The following TRAPPC9 variants were observed in gnomAD, a reference collection of about 807,000 sequenced individuals.
The protein encoded by TRAPPC9 is IKK2 binding protein.
TRAPPC9 carries 83 observed loss-of-function variants against 124.0 expected under a neutral mutation model. That is an observed-to-expected ratio of 0.67 (90% CI 0.56 to 0.80). The LOEUF is 0.80. Ranked by LOEUF, TRAPPC9 falls within the 30% of genes least tolerant of loss-of-function variation. TRAPPC9 has a pLI of 0.00. For synonymous variants in TRAPPC9, 638 were observed against 617.5 expected, an observed-to-expected ratio of 1.03 and a Z score of -0.49; for missense variants, 1,302 against 1,508.3, an observed-to-expected ratio of 0.86 and a Z score of 2.27.
rs146944565 is a variant in TRAPPC9 at position 139,996,842 on chromosome 8, C to T, written c.2700-8006G>A. Among the ~76,000 whole-genome samples the T allele has an allele frequency of 1.9e-4, 29 of 152,216 alleles. No homozygotes were observed. In the East Asian group the frequency reaches 4.8e-3, roughly 25 times the overall value. ...GCAACCTCTGCCTCCCAGGTTCAAG[C>T]GATTCTCCTGCCTCAGCCTCCCAAG... On this transcript the variant is annotated intron_variant, in intron 18 of 22. Transcript: ENST00000438773.
At chr8:140,452,270 A>G (rs2071490976) in intron 1 of TRAPPC9, among the ~76,000 whole-genome samples, 1 of 151,670 alleles carries the variant, frequency 6.6e-6, no homozygotes, top group Admixed American at 6.6e-5. Flanking sequence ...AATACAAAAA[A>G]TTAGCCCGGC....
At chr8:139,915,713 A>T (rs975133181) in intron 19 of TRAPPC9, among the ~76,000 whole-genome samples, 16 of 152,198 alleles carry the variant, frequency 1.1e-4, no homozygotes, top group African/African-American at 3.6e-4. Context: ...ATCTTCCCTG[A>T]ATGGGCAGAG....
At chr8:139,919,238 C>T (rs1165194639) in intron 19 of TRAPPC9, among the ~76,000 whole-genome samples, 1 of 152,232 alleles carries the variant, frequency 6.6e-6, no homozygotes, top group East Asian at 1.9e-4. Context: ...TGACCGGAGG[C>T]AAGTCACTTG....
intron 17 of TRAPPC9, among the ~76,000 whole-genome samples, chr8:140,027,428 T>C (rs1314291274): frequency 6.6e-6 from 1 of 152,068 alleles, no homozygotes; most frequent in African/African-American, 2.4e-5. Context: ...TTTTTTGAGG[T>C]AAACTTAAAA....
intron 21 of TRAPPC9, among the ~76,000 whole-genome samples, chr8:139,884,370 C>T (rs1249232872): frequency 1.3e-5 from 2 of 152,176 alleles, no homozygotes; most frequent in African/African-American, 2.4e-5. Flanking sequence ...TTACCTGGGG[C>T]TAGGGCTGCC....
intron 1 of TRAPPC9, among the ~76,000 whole-genome samples, chr8:140,457,357 G>A (rs1186565960): frequency 6.6e-6 from 1 of 152,224 alleles, no homozygotes; most frequent in Non-Finnish European, 1.5e-5. Context: ...CAGCAGGTGT[G>A]GGCCGGGTCC....
At chr8:139,880,231 A>G (rs1028517044) in intron 21 of TRAPPC9, among the ~76,000 whole-genome samples, 1 of 152,146 alleles carries the variant, frequency 6.6e-6, no homozygotes, top group Non-Finnish European at 1.5e-5. Flanking sequence ...GGACCAACCC[A>G]GGTGTGCAGG....
At chr8:140,210,365 C>T (rs527365750) in intron 17 of TRAPPC9, among the ~76,000 whole-genome samples, 158 of 152,330 alleles carry the variant, frequency 1.0e-3, no homozygotes, top group African/African-American at 3.6e-3. Flanking sequence ...AAACTCCAGG[C>T]GCAGGGCCCA....
intron 19 of TRAPPC9, among the ~76,000 whole-genome samples, chr8:139,946,685 A>T (rs928082397): frequency 9.2e-5 from 14 of 152,068 alleles, no homozygotes; most frequent in Non-Finnish European, 1.9e-4. Flanking sequence ...TTCTAAAAAA[A>T]AAAAAAAGGC....
At chr8:140,090,244 T>C (rs964284956) in intron 17 of TRAPPC9, among the ~76,000 whole-genome samples, 2 of 152,174 alleles carry the variant, frequency 1.3e-5, no homozygotes, top group Non-Finnish European at 2.9e-5. Flanking sequence ...GTTCTGCCCA[T>C]AATATGGAAA....
At chr8:140,329,894 G>A (rs1588160486) in intron 9 of TRAPPC9, among the ~76,000 whole-genome samples, 1 of 151,922 alleles carries the variant, frequency 6.6e-6, no homozygotes, top group Admixed American at 6.6e-5. Flanking sequence ...CGTGGCCAAT[G>A]TGGTGAAACC....
intron 21 of TRAPPC9, among the ~76,000 whole-genome samples, chr8:139,857,648 T>C (rs1219385521): frequency 1.3e-5 from 2 of 152,306 alleles, no homozygotes; most frequent in Non-Finnish European, 2.9e-5. Flanking sequence ...AGTCAGGAGC[T>C]GAGCATGGGG....
Position 140,216,561 on chromosome 8 carries a change from G to A in TRAPPC9, c.2556+4898C>T, listed in dbSNP as rs1466745441. Among the ~76,000 whole-genome samples, 2 of 152,170 alleles carry A rather than the reference G, an allele frequency of 1.3e-5. No individual in the cohort carries two copies. The highest frequency in any genetic ancestry group is 2.9e-5 in the Non-Finnish European group (2 of 68,038). On this transcript the variant is annotated intron_variant, in intron 17 of 22. Coordinates refer to ENST00000438773, the MANE Select transcript of TRAPPC9 (RefSeq NM_001160372.4). This position sits in a 1 kb window ranked among gnomAD's most constrained non-coding sequence, Gnocchi z 4.1. ...AGTATGAGTGGAACACAAAGCAAAG[G>A]AAGGAACCAACAAACTCCGCGTGCC...
intron 19 of TRAPPC9, chr8:139,931,273 C>T (rs1297127638): frequency 6.6e-6 from 1 of 152,252 alleles, no homozygotes; most frequent in African/African-American, 2.4e-5. Flanking sequence ...ATCCTCACCG[C>T]AACCATAGGA....
At chr8:140,231,901 C>A (rs1414941169) in intron 16 of TRAPPC9, among the ~76,000 whole-genome samples, 5 of 152,040 alleles carry the variant, frequency 3.3e-5, no homozygotes, top group African/African-American at 1.2e-4. Flanking sequence ...TTAAGTCAAA[C>A]CCTGATTATA....
chr8:140,103,582 CAT>C (rs377186374), intron 17 of TRAPPC9, among the ~76,000 whole-genome samples: 242 of 152,312 alleles, frequency 1.6e-3, no homozygotes, highest in African/African-American at 5.5e-3. Context: ...GAAAAAATGT[CAT>C]AGTGCTGCTG....
intron 19 of TRAPPC9, among the ~76,000 whole-genome samples, chr8:139,930,788 T>C (rs1024432704): frequency 1.3e-5 from 2 of 152,182 alleles, no homozygotes; most frequent in Admixed American, 1.3e-4. Flanking sequence ...TGAGACCCTC[T>C]GAGGAGACGC....
At chr8:140,419,195 G>C (rs1201588776) in intron 5 of TRAPPC9, among the ~76,000 whole-genome samples, 1 of 152,080 alleles carries the variant, frequency 6.6e-6, no homozygotes, top group Non-Finnish European at 1.5e-5. Flanking sequence ...TTGGGAGGCC[G>C]AGGCGGGTGG....
intron 18 of TRAPPC9, among the ~76,000 whole-genome samples, chr8:140,006,010 G>A (rs1245317364): frequency 4.6e-5 from 7 of 151,844 alleles, no homozygotes; most frequent in African/African-American, 1.7e-4. Context: ...ATTGAAGGAA[G>A]AAATTGAAGG....
Sources: gnomAD v4.1 joint callset for allele counts (sites outside exome capture counted in the v4.1 genomes callset) on GRCh38, gnomAD v4.1.1 for gene constraint, Gnocchi (gnomAD v3.1) non-coding constraint, MANE v1.5 for transcripts, NCBI Gene and HGNC (gene_info 2026-07-23, HGNC 2026-07-21) for gene names.